Variants in ACLY observed in about 807,000 individuals in gnomAD.
ACLY encodes ATP citrate lyase, also known as ATP-citrate synthase.
ACLY carries 41 observed loss-of-function variants against 133.0 expected under a neutral mutation model. The ratio of observed to expected loss-of-function variants is 0.31; its 90% CI spans 0.24 to 0.40. The LOEUF (loss-of-function observed/expected upper bound fraction) is 0.40. Among genes scored for constraint, ACLY ranks in the 10% least tolerant of loss-of-function variants. The probability of loss-of-function intolerance (pLI) is 1.00; values close to 1 mark genes in which losing one functional copy is unlikely to be tolerated. For missense variants in ACLY, 1,046 were observed against 1,453.8 expected, an observed-to-expected ratio of 0.72 and a Z score of 4.56; for synonymous variants, 495 against 549.3, an observed-to-expected ratio of 0.90 and a Z score of 1.38.
intron 20 of ACLY, among the ~76,000 whole-genome samples, chr17:41,880,961 C>T (rs946918768): frequency 6.6e-6 from 1 of 151,618 alleles, no homozygotes; most frequent in Non-Finnish European, 1.5e-5. Context: ...GAGGTGCTCA[C>T]CCTCTTAGAA....
rs1291526714 is a variant in ACLY, at chr17:41,873,693, G to A, written c.2642+118C>T. 15 of 1,189,094 alleles carry A rather than the reference G, an allele frequency of 1.3e-5. No homozygotes were observed. In the Admixed American group the frequency reaches 1.4e-4, roughly 11 times the overall value. The allele number at this position is 1,189,094 out of a possible 1,614,324, so 73.7% of individuals were successfully genotyped here. ...CCTCTGGCCGCTCAATTGACCTGTG[G>A]CCCCAAAGATTGATCTTGGACACAC... On this transcript the variant is annotated intron_variant, in intron 23 of 28. Coordinates refer to ENST00000352035, the MANE Select transcript of ACLY (RefSeq NM_001096.3).
chr17:41,909,485 C>T, intron 5 of ACLY, 25 bp downstream of exon 5: 2 of 1,609,004 alleles, frequency 1.2e-6, no homozygotes, highest in Non-Finnish European at 1.7e-6. Flanking sequence ...GAACTGCCAC[C>T]TCCCTACCGT....
At chr17:41,907,098 A>G (rs1161475466) in intron 7 of ACLY, among the ~76,000 whole-genome samples, 3 of 152,190 alleles carry the variant, frequency 2.0e-5, no homozygotes, top group African/African-American at 7.2e-5. Flanking sequence ...CTCAGAGGAC[A>G]GAGTGGGAAA....
chr17:41,867,775 G>T lies in ACLY; in HGVS notation c.*35C>A. 6.5e-7 allele frequency: 1 copy of T among 1,531,946 alleles called. No individual in the cohort carries two copies. The highest frequency in any genetic ancestry group is 9.0e-7 in the Non-Finnish European group (1 of 1,116,236). 94.9% of individuals were successfully genotyped at this position (1,531,946 alleles called of 1,614,324 possible). On this transcript the variant is annotated 3_prime_UTR_variant, in exon 29 of 29. Transcript: ENST00000352035. ...ACTTTTTCTTGGGGGAAGAGATCTT[G>T]TCTTCAGTTTACTGCAGTAGGGTTC...
upstream of ACLY, chr17:41,919,054 G>T (rs960090517): frequency 7.8e-7 from 1 of 1,278,684 alleles, no homozygotes; most frequent in Non-Finnish European, 1.0e-6. Context: ...GGCCACACGC[G>T]TTCCCTAGCC....
At position 41,901,746 on chromosome 17, in the gene ACLY, C is replaced by G. The variant is rs1252881714; in HGVS notation, c.1133G>C (p.Arg378Pro). Residue 378 changes from arginine to proline, a missense_variant, in exon 11 of 29, where the codon CGA becomes CCA. By Grantham distance (103) the Arg-to-Pro change is moderately radical. Around this residue, in one of 4 missense-constraint regions of ACLY, gnomAD observed 575 missense variants for 804.2 expected, o/e 0.71. Coordinates refer to ENST00000352035, the MANE Select transcript of ACLY (RefSeq NM_001096.3). ...LKEHEVTIFV[R>P]RGGPNYQEGL... is the part of the protein sequence containing the mutation. The stretch of plus-strand genomic sequence containing the variant: ...CTCCTGATAGTTGGGGCCACCTCTT[C>G]GGACAAAGATTGTGACTTCGTGCTC... 1 of 1,610,088 alleles carries G rather than the reference C, an allele frequency of 6.2e-7. No individual in the cohort carries two copies. Among genetic ancestry groups the G allele is most frequent in the Non-Finnish European group, 8.5e-7 (1 of 1,177,824 alleles).
At chr17:41,875,522 G>C (rs1375065234) in intron 22 of ACLY, among the ~76,000 whole-genome samples, 1 of 150,704 alleles carries the variant, frequency 6.6e-6, no homozygotes, top group Non-Finnish European at 1.5e-5. Flanking sequence ...CTGCCATCTC[G>C]GCTCACTGCA....
At chr17:41,914,554 C>T (rs1259007250) in intron 1 of ACLY, among the ~76,000 whole-genome samples, 3 of 152,194 alleles carry the variant, frequency 2.0e-5, no homozygotes, top group Non-Finnish European at 4.4e-5. Flanking sequence ...CTTTTCTCCT[C>T]TTTTCTCCTG....
At position 41,893,016 on chromosome 17, in the gene ACLY, G is replaced by A. The variant is rs151032795; in HGVS notation, c.1601+17C>T. The A allele has an allele frequency of 3.0e-3, 4,822 of 1,608,676 alleles. 116 individuals carry two copies. The African/African-American group carries it at 0.056, about 19-fold the overall frequency. ...TTAGCAGAGGAAGGAGATATTTCCC[G>A]CCATGGGGTAACTCACGTGAAAGGG... On this transcript the variant is annotated intron_variant, in intron 15 of 28. Coordinates refer to ENST00000352035, the MANE Select transcript of ACLY (RefSeq NM_001096.3).
Position 41,897,809 on chromosome 17 carries a change from A to G in ACLY, c.1369T>C (p.Ser457Pro), listed in dbSNP as rs1555630706. The change falls in exon 13 of 29, where the codon TCT becomes CCT. Residue 457 changes from serine to proline, a missense_variant. Coordinates refer to ENST00000352035, the MANE Select transcript of ACLY (RefSeq NM_001096.3). ...GCCACCTCATCGGCCCTGGACTCAGAAAAAGATGCTGTCCTGCTGGGGGCT... is the reference window on the plus strand; with the variant it reads ...GCCACCTCATCGGCCCTGGACTCAGGAAAAGATGCTGTCCTGCTGGGGGCT... Reference protein sequence around the residue: ...TPAPSRTASFSESRADEVAPA... With the variant: ...TPAPSRTASFPESRADEVAPA... 6.2e-7 allele frequency: 1 copy of G among 1,613,648 alleles called. No homozygotes were observed. The highest frequency in any genetic ancestry group is 1.3e-5 in the African/African-American group (1 of 74,904).
rs1555633820 is a variant in ACLY at position 41,912,488 on chromosome 17, C to T, written c.214G>A (p.Val72Ile). The change falls in exon 3 of 29, where the codon GTT becomes ATT. Residue 72 changes from valine (V) to isoleucine (I), a missense_variant. Val to Ile is a conservative substitution (Grantham distance 29). Transcript: ENST00000352035. The part of the protein sequence containing the change: ...LIKRRGKLGL[V>I]GVNLTLDGVK... ...CCATCCAGAGTGAGGTTGACCCCAA[C>T]GAGACCAAGTTTTCCACGACGTTTG... The T allele has an allele frequency of 1.1e-5, 17 of 1,614,102 alleles. No homozygotes were observed. The highest frequency in any genetic ancestry group is 5.5e-5 in the South Asian group (5 of 91,090).
intron 17 of ACLY, 44 bp downstream of exon 17, chr17:41,887,555 A>T: frequency 1.3e-6 from 2 of 1,540,144 alleles, no homozygotes; most frequent in Non-Finnish European, 1.8e-6. Context: ...TGAACTTCAT[A>T]AGATAGCATC....
Position 41,869,087 on chromosome 17 carries a change from T to C in ACLY, c.3090A>G (p.Gly1030=). 6.2e-7 allele frequency: 1 copy of C among 1,614,082 alleles called. No individual in the cohort carries two copies. Among genetic ancestry groups the C allele is most frequent in the Non-Finnish European group, 8.5e-7 (1 of 1,180,004 alleles). Residue 1030 remains glycine, a synonymous_variant, in exon 27 of 29, where the codon GGA becomes GGG. Transcript: ENST00000352035. ...TTCTAAGCATGTCTACAAATGCGAC[T>C]CCGATGAGACCATCTACATTCAGGA... ...NLILNVDGLI[G]VAFVDMLRNC...
chr17:41,906,389 G>A (rs1339386866), intron 8 of ACLY, 139 bp downstream of exon 8: 25 of 704,206 alleles, frequency 3.6e-5, no homozygotes, highest in South Asian at 2.0e-4. Flanking sequence ...AACATCCCTC[G>A]AAGCCCTCTG....
chr17:41,876,061 C>A (rs544578801), intron 22 of ACLY, among the ~76,000 whole-genome samples: 1 of 149,346 alleles, frequency 6.7e-6, no homozygotes, highest in African/African-American at 2.5e-5. Flanking sequence ...GGCCGCCCAT[C>A]GTCTGAGATG....
At chr17:41,887,127 G>GAAAAAAAAA (rs535668437) in intron 17 of ACLY, among the ~76,000 whole-genome samples, 11 of 110,380 alleles carry the variant, frequency 1.0e-4, no homozygotes, top group East Asian at 2.5e-4. Context: ...CCGTCTCAAA[G>GAAAAAAAAA]AAAAAAAAAA....
At chr17:41,874,103 C>G in intron 22 of ACLY, 138 bp from the exon 23 acceptor site, 1 of 909,006 alleles carries the variant, frequency 1.1e-6, no homozygotes, top group Non-Finnish European at 1.5e-6. Flanking sequence ...TAACAACTCT[C>G]AAAGTTTTCC....
chr17:41,914,425 C>A (rs138720231), intron 1 of ACLY, among the ~76,000 whole-genome samples: 3 of 152,300 alleles, frequency 2.0e-5, no homozygotes, highest in African/African-American at 7.2e-5. Flanking sequence ...CTATACACAC[C>A]CTTACACACC....
At position 41,905,590 on chromosome 17, in the gene ACLY, C is replaced by T. The variant is rs782181259; in HGVS notation, c.935G>A (p.Ser312Asn). 6.2e-7 allele frequency: 1 copy of T among 1,614,176 alleles called. No individual in the cohort carries two copies. Among genetic ancestry groups the T allele is most frequent in the South Asian group, 1.1e-5 (1 of 91,086 alleles). The stretch of plus-strand genomic sequence containing the variant: ...GGCATAGTCATAGGTCTGCTGCTCG[C>T]TGGGGGCGCCTGAGTACTCCCCATA... ...ANYGEYSGAP[S>N]EQQTYDYAKT... Residue 312 changes from serine to asparagine, a missense_variant, in exon 9 of 29, where the codon AGC (serine) becomes AAC (asparagine). Physicochemically the swap from Ser to Asn is conservative, Grantham distance 46. Transcript: ENST00000352035.
Sources: allele counts gnomAD v4.1 joint callset (sites outside exome capture counted in the v4.1 genomes callset), GRCh38; gene constraint gnomAD v4.1.1; regional missense constraint gnomAD v4.1.1; transcripts MANE v1.5; gene names NCBI Gene and HGNC (gene_info 2026-07-23, HGNC 2026-07-21).